Variants in SGCD observed in about 807,000 individuals in gnomAD.
SGCD encodes delta-sarcoglycan.
In SGCD, 18 loss-of-function variants were observed where a neutral mutation model predicts 36.6. The observed-to-expected ratio is 0.49, with a 90% CI of 0.34 to 0.73. The LOEUF (loss-of-function observed/expected upper bound fraction) is 0.73. Ranked by LOEUF, SGCD falls within the 30% of genes least tolerant of loss-of-function variation. SGCD has a pLI of 0.01. For missense variants in SGCD, 387 were observed against 346.7 expected, an observed-to-expected ratio of 1.12 and a Z score of -0.92; for synonymous variants, 133 against 130.6, an observed-to-expected ratio of 1.02 and a Z score of -0.12.
At chr5:156,096,763 A>T (rs1761387363) in intron 1 of SGCD, among the ~76,000 whole-genome samples, 1 of 152,222 alleles carries the variant, frequency 6.6e-6, no homozygotes, top group Admixed American at 6.5e-5. Context: ...TAAAATAAGC[A>T]AGATAGGAAA....
chr5:156,345,127 G>T (rs1768880960), intron 3 of SGCD, among the ~76,000 whole-genome samples: 1 of 152,140 alleles, frequency 6.6e-6, no homozygotes, highest in African/African-American at 2.4e-5. Flanking sequence ...AACTATTTAT[G>T]CTTGATTATC....
intron 3 of SGCD, among the ~76,000 whole-genome samples, chr5:156,176,861 A>G (rs1223469572): frequency 1.3e-5 from 2 of 152,196 alleles, no homozygotes; most frequent in Non-Finnish European, 2.9e-5. Flanking sequence ...GGAAAATTAC[A>G]AAGTGACAAA....
intron 1 of SGCD, among the ~76,000 whole-genome samples, chr5:155,929,645 CT>C (rs1757063607): frequency 6.6e-6 from 1 of 152,148 alleles, no homozygotes; most frequent in African/African-American, 2.4e-5. Context: ...TGTAAAACTT[CT>C]GATGAGTCTC....
At chr5:155,730,644 C>T in the SGCD span, among the ~76,000 whole-genome samples, 1 of 152,150 alleles carries the variant, frequency 6.6e-6, no homozygotes, top group South Asian at 2.1e-4. Flanking sequence ...GCTGCCACAT[C>T]GCTGCCGACC....
intron 3 of SGCD, among the ~76,000 whole-genome samples, chr5:156,170,394 T>C (rs554922750): frequency 7.2e-5 from 11 of 152,268 alleles, no homozygotes; most frequent in African/African-American, 2.6e-4. Context: ...ATGGGTAAAT[T>C]TTGACCCTGA....
intron 3 of SGCD, among the ~76,000 whole-genome samples, chr5:156,450,545 A>AAAAAAG (rs557543030): frequency 1.9e-4 from 28 of 149,516 alleles, no homozygotes; most frequent in Middle Eastern, 3.4e-3. Context: ...TTAAAAAAAA[A>AAAAAAG]AAAAGAAAAG....
chr5:156,736,863 G>A (rs1756396991), intron 7 of SGCD, among the ~76,000 whole-genome samples: 1 of 152,124 alleles, frequency 6.6e-6, no homozygotes, highest in South Asian at 2.1e-4. Flanking sequence ...TCAGCCCTCA[G>A]CTTTCACATA....
chr5:156,221,203 G>A (rs1764709147), intron 3 of SGCD, among the ~76,000 whole-genome samples: 4 of 152,060 alleles, frequency 2.6e-5, no homozygotes, highest in Admixed American at 2.6e-4. Flanking sequence ...TGGAGACTGG[G>A]AAGTCCAAGA....
the SGCD span, among the ~76,000 whole-genome samples, chr5:155,835,002 A>ATTTTTT: frequency 0.037 from 2,216 of 60,122 alleles, 289 homozygotes; most frequent in African/African-American, 0.1. Context: ...TGCCCAGCTA[A>ATTTTTT]TTTTTTTTTT....
the SGCD span, among the ~76,000 whole-genome samples, chr5:155,744,097 A>T: frequency 6.6e-6 from 1 of 152,230 alleles, no homozygotes; most frequent in South Asian, 2.1e-4. Flanking sequence ...TCAGAAAGAA[A>T]ACAGACTTCA....
At chr5:155,792,499 G>A in the SGCD span, among the ~76,000 whole-genome samples, 38,877 of 144,912 alleles carry the variant, frequency 0.27, 5,723 homozygotes, top group Admixed American at 0.46. Flanking sequence ...TATTCACCAA[G>A]TATGCATCCG....
chr5:156,416,417 C>T (rs1369804214), intron 3 of SGCD, among the ~76,000 whole-genome samples: 2 of 152,058 alleles, frequency 1.3e-5, no homozygotes, highest in Non-Finnish European at 2.9e-5. Context: ...GTACAGTGTA[C>T]ACTGCTCAGG....
chr5:155,970,414 G>A lies in SGCD; in HGVS notation c.-282+99990G>A, dbSNP rs140390295. Among the ~76,000 whole-genome samples, 528 of 152,202 alleles carry A rather than the reference G, an allele frequency of 3.5e-3. 6 individuals are homozygous for A. The highest frequency in any genetic ancestry group is 0.012 in the African/African-American group (482 of 41,522). ...TTTATTCATTTGTTGATGAATATCC[G>A]ATGTGAATTATGTGTTAAAAATGAT... On this transcript the variant is annotated intron_variant, in intron 1 of 9. Coordinates refer to the SGCD transcript ENST00000517913.
chr5:155,891,003 G>A (rs1270434332), intron 1 of SGCD, among the ~76,000 whole-genome samples: 1 of 152,122 alleles, frequency 6.6e-6, no homozygotes, highest in Non-Finnish European at 1.5e-5. Flanking sequence ...AAAAGACTGG[G>A]TTGTCCCTAA....
At chr5:156,256,974 T>G (rs1341784570) in intron 3 of SGCD, among the ~76,000 whole-genome samples, 1 of 150,676 alleles carries the variant, frequency 6.6e-6, no homozygotes, top group Non-Finnish European at 1.5e-5. Context: ...AGCTCAGGAG[T>G]TGAAGACCAA....
At chr5:156,219,037 A>T (rs1310726219) in intron 3 of SGCD, among the ~76,000 whole-genome samples, 3 of 152,208 alleles carry the variant, frequency 2.0e-5, no homozygotes, top group Non-Finnish European at 2.9e-5. Context: ...AGAGATGTTC[A>T]TAAGGAAGAA....
At chr5:155,956,104 T>C (rs1366112189) in intron 1 of SGCD, among the ~76,000 whole-genome samples, 1 of 133,996 alleles carries the variant, frequency 7.5e-6, no homozygotes, top group African/African-American at 2.8e-5. Context: ...TTTCTTGCTC[T>C]TCTTGTTTTT....
chr5:156,171,373 G>A (rs1445954787), intron 3 of SGCD, among the ~76,000 whole-genome samples: 1 of 152,096 alleles, frequency 6.6e-6, no homozygotes, highest in Admixed American at 6.5e-5. Context: ...AATGTCTTCT[G>A]CTTACCTATG....
intron 3 of SGCD, among the ~76,000 whole-genome samples, chr5:156,264,725 C>A (rs1238632046): frequency 6.6e-6 from 1 of 152,088 alleles, no homozygotes; most frequent in East Asian, 1.9e-4. Context: ...AAGTTTGAAA[C>A]CACAACAGTT....
Sources: gnomAD v4.1 joint callset for allele counts (sites outside exome capture counted in the v4.1 genomes callset) on GRCh38, gnomAD v4.1.1 for gene constraint, MANE v1.5 for transcripts, NCBI Gene and HGNC (gene_info 2026-07-23, HGNC 2026-07-21) for gene names.